The following BOLL variants were observed in gnomAD, a reference collection of about 807,000 sequenced individuals.
BOLL encodes protein boule-like.
Under a neutral mutation model 44.4 loss-of-function variants are expected in BOLL, and 23 were observed. The ratio of observed to expected loss-of-function variants is 0.52; its 90% CI spans 0.37 to 0.73. The LOEUF is 0.73. BOLL is among the 30% of genes least tolerant of loss of function. The pLI is 0.00. For missense variants in BOLL, 287 were observed against 338.3 expected, an observed-to-expected ratio of 0.85 and a Z score of 1.19; for synonymous variants, 97 against 110.8, an observed-to-expected ratio of 0.88 and a Z score of 0.78.
chr2:197,728,635 G>A (rs1467924718), intron 10 of BOLL, 57 bp from the exon 11 acceptor site: 1 of 1,258,506 alleles, frequency 7.9e-7, no homozygotes, highest in African/African-American at 1.5e-5. Context: ...AAAAAGATAA[G>A]TTAGAACAGA....
rs369395909 is a variant in BOLL at position 197,758,016 on chromosome 2, C to T, written c.553-616G>A. On this transcript the variant is annotated intron_variant, in intron 7 of 10. Coordinates refer to ENST00000392296, the MANE Select transcript of BOLL (RefSeq NM_033030.6). ...CAAAAAAGTAGATCATAAATGTTGA[C>T]GGGCACGTGGAGAAATTAGAACCCT... Among the ~76,000 whole-genome samples, 45 of 152,206 alleles carry T rather than the reference C, an allele frequency of 3.0e-4. No homozygotes were observed. In the South Asian group the frequency reaches 6.0e-3, roughly 20 times the overall value.
intron 6 of BOLL, among the ~76,000 whole-genome samples, chr2:197,770,020 C>CA (rs1160932543): frequency 3.9e-5 from 6 of 152,002 alleles, no homozygotes; most frequent in Non-Finnish European, 5.9e-5. Context: ...CATATGGAAC[C>CA]AAAAAAGAGC....
chr2:197,743,025 G>C, intron 10 of BOLL, 36 bp downstream of exon 10: 1 of 1,477,974 alleles, frequency 6.8e-7, no homozygotes, highest in African/African-American at 1.4e-5. Flanking sequence ...TATGATGGAA[G>C]AAAAACAAAG....
chr2:197,736,397 A>T lies in BOLL; in HGVS notation c.828+6664T>A, dbSNP rs771569276. Among the ~76,000 whole-genome samples, 25 of 152,134 alleles carry T rather than the reference A, an allele frequency of 1.6e-4. 1 individual carries two copies. Among genetic ancestry groups the T allele is most frequent in the Admixed American group, 1.6e-3 (24 of 15,252 alleles). ...AAATTAATGTAGGATCTTAGATTAG[A>T]TCCTAGAACAGAAAAAGAACATAAG... On this transcript the variant is annotated intron_variant, in intron 10 of 10. Transcript: ENST00000392296.
At chr2:197,737,889 TC>T (rs750356262) in intron 10 of BOLL, among the ~76,000 whole-genome samples, 4 of 152,140 alleles carry the variant, frequency 2.6e-5, no homozygotes, top group Non-Finnish European at 4.4e-5. Context: ...TAGAAGAAAT[TC>T]CTTATAGCCT....
chr2:197,769,918 A>G (rs1689161697), intron 6 of BOLL, among the ~76,000 whole-genome samples: 1 of 152,198 alleles, frequency 6.6e-6, no homozygotes, highest in Non-Finnish European at 1.5e-5. Context: ...GAAAATGGCC[A>G]TACTGCCCAA....
chr2:197,734,058 A>T (rs1399727885), intron 10 of BOLL, among the ~76,000 whole-genome samples: 4 of 151,344 alleles, frequency 2.6e-5, no homozygotes, highest in Non-Finnish European at 5.9e-5. Flanking sequence ...TTTGCAACCT[A>T]CTCATCTGAC....
chr2:197,734,887 T>C (rs988879883), intron 10 of BOLL, among the ~76,000 whole-genome samples: 4 of 152,096 alleles, frequency 2.6e-5, no homozygotes, highest in African/African-American at 7.2e-5. Flanking sequence ...CACACCAACA[T>C]GGCACACGTA....
At chr2:197,731,458 G>A (rs922242229) in intron 10 of BOLL, among the ~76,000 whole-genome samples, 1 of 145,242 alleles carries the variant, frequency 6.9e-6, no homozygotes, top group African/African-American at 2.6e-5. Context: ...TCTGCACCAA[G>A]CAGACCTAAC....
At chr2:197,774,822 A>C (rs1013219918) in intron 5 of BOLL, 3 of 151,910 alleles carry the variant, frequency 2.0e-5, no homozygotes, top group African/African-American at 4.8e-5. Context: ...AATATACATC[A>C]ATCTCTTTTT....
upstream of BOLL, among the ~76,000 whole-genome samples, chr2:197,785,607 G>C (rs1284131605): frequency 6.6e-6 from 1 of 152,204 alleles, no homozygotes; most frequent in Non-Finnish European, 1.5e-5. The surrounding 1 kb of genome is among the most constrained non-coding windows in gnomAD (Gnocchi z 6.7). Context: ...CGGCTGGGTC[G>C]AGTTCGGCCG....
chr2:197,784,391 CATATATATATATAT>C (rs60865376), intron 1 of BOLL, among the ~76,000 whole-genome samples: 2,657 of 54,792 alleles, frequency 0.048, 79 homozygotes, highest in African/African-American at 0.064. Flanking sequence ...CAGTCTAATA[CATATATATATATAT>C]ATATATATAT....
At chr2:197,782,978 T>A (rs1419222181) in intron 1 of BOLL, among the ~76,000 whole-genome samples, 1 of 152,040 alleles carries the variant, frequency 6.6e-6, no homozygotes, top group Non-Finnish European at 1.5e-5. Context: ...TGCAGAATGG[T>A]AAGATAATAG....
intron 6 of BOLL, among the ~76,000 whole-genome samples, chr2:197,768,261 T>C (rs976550053): frequency 6.6e-6 from 1 of 152,058 alleles, no homozygotes; most frequent in Non-Finnish European, 1.5e-5. Context: ...AGATGTATCA[T>C]GTTCATGGAT....
chr2:197,731,047 G>C (rs1687143163), intron 10 of BOLL, among the ~76,000 whole-genome samples: 1 of 152,034 alleles, frequency 6.6e-6, no homozygotes, highest in Non-Finnish European at 1.5e-5. Flanking sequence ...AGACCCATCA[G>C]TGTGCTGTAT....
intron 6 of BOLL, among the ~76,000 whole-genome samples, chr2:197,767,998 G>A (rs181849900): frequency 2.6e-5 from 4 of 151,902 alleles, no homozygotes; most frequent in Non-Finnish European, 5.9e-5. Context: ...AGAAATAGAA[G>A]TACACTGAAT....
At chr2:197,769,342 T>C (rs988467436) in intron 6 of BOLL, among the ~76,000 whole-genome samples, 15 of 152,138 alleles carry the variant, frequency 9.9e-5, no homozygotes, top group Non-Finnish European at 1.5e-4. Context: ...TTTCAGAGCC[T>C]GTTATTGGCC....
At chr2:197,781,530 T>A (rs936285857) in intron 2 of BOLL, among the ~76,000 whole-genome samples, 192 bp downstream of exon 2, 4 of 152,196 alleles carry the variant, frequency 2.6e-5, no homozygotes, top group African/African-American at 9.6e-5. Context: ...TTTCTTTATA[T>A]CTGACATTGA....
At chr2:197,770,261 A>G (rs566851871) in intron 6 of BOLL, among the ~76,000 whole-genome samples, 99 of 152,362 alleles carry the variant, frequency 6.5e-4, no homozygotes, top group African/African-American at 2.2e-3. Flanking sequence ...TTCCCTATTT[A>G]ATAAATGGTG....
Sources: gnomAD v4.1 joint callset for allele counts (sites outside exome capture counted in the v4.1 genomes callset) on GRCh38, gnomAD v4.1.1 for gene constraint, Gnocchi (gnomAD v3.1) non-coding constraint, MANE v1.5 for transcripts, NCBI Gene and HGNC (gene_info 2026-07-23, HGNC 2026-07-21) for gene names.